KLF7: variants seen among roughly 807,000 people sequenced by gnomAD.
KLF7 encodes KLF transcription factor 7.
A neutral mutation model predicts 27.3 loss-of-function variants in KLF7; 2 were observed. The observed-to-expected ratio is 0.07, with a 90% confidence interval of 0.03 to 0.23. The LOEUF is 0.23. Ranked by LOEUF, KLF7 falls within the 10% of genes least tolerant of loss-of-function variation. The pLI is 1.00. For synonymous variants in KLF7, 165 were observed against 162.4 expected, an observed-to-expected ratio of 1.02 and a Z score of -0.12; for missense variants, 221 against 394.1, an observed-to-expected ratio of 0.56 and a Z score of 3.72.
intron 1 of KLF7, among the ~76,000 whole-genome samples, chr2:207,161,271 T>C (rs2078538256): frequency 1.3e-5 from 2 of 152,262 alleles, no homozygotes; most frequent in Admixed American, 6.5e-5. Flanking sequence ...CGGGCAGTTA[T>C]ATTTTTATTT....
Position 207,129,714 on chromosome 2 carries a change from C to T in KLF7, c.103-5310G>A, listed in dbSNP as rs536948519. Among the ~76,000 whole-genome samples, 17 of 148,328 alleles carry T rather than the reference C, an allele frequency of 1.1e-4. No individual in the cohort carries two copies. In the South Asian group the frequency reaches 1.3e-3, roughly 12 times the overall value. On this transcript the variant is annotated intron_variant, in intron 1 of 3. Coordinates refer to ENST00000309446, the MANE Select transcript of KLF7 (RefSeq NM_003709.4). ...TGCCTACTACATCTATGATAATTTT[C>T]CTACAAGGAGGACCTGACTTTTCCT...
chr2:207,091,033 T>G (rs775427683), intron 2 of KLF7, among the ~76,000 whole-genome samples: 1 of 151,942 alleles, frequency 6.6e-6, no homozygotes, highest in Non-Finnish European at 1.5e-5. Context: ...CCTAGGAAAT[T>G]CCATGAAATT....
chr2:207,161,895 G>C (rs1008086254), intron 1 of KLF7, among the ~76,000 whole-genome samples: 1 of 152,126 alleles, frequency 6.6e-6, no homozygotes, highest in African/African-American at 2.4e-5. Flanking sequence ...TCTGAGCAAA[G>C]AGAGGCCTGA....
Position 207,097,872 on chromosome 2 carries a change from G to T in KLF7, c.734-9291C>A, listed in dbSNP as rs114126232. 1.6e-3 allele frequency among the ~76,000 whole-genome samples: 237 copies of T among 152,210 alleles called. 2 individuals are homozygous for T. The highest frequency in any genetic ancestry group is 2.7e-3 in the Non-Finnish European group (184 of 68,014). On this transcript the variant is annotated intron_variant, in intron 2 of 3. Coordinates refer to ENST00000309446, the MANE Select transcript of KLF7 (RefSeq NM_003709.4). ...ATTTTTTATTTAATTAAAAATGTAT[G>T]CAGTCTTCTAGTAGTTTCTAGTGGG...
chr2:207,081,831 T>C (rs2076279130), intron 3 of KLF7, among the ~76,000 whole-genome samples: 1 of 140,146 alleles, frequency 7.1e-6, no homozygotes, highest in African/African-American at 2.7e-5. Flanking sequence ...TACAGGCTTA[T>C]CAGACACTCT....
chr2:207,162,569 G>C (rs1375299010), intron 1 of KLF7, among the ~76,000 whole-genome samples: 1 of 152,180 alleles, frequency 6.6e-6, no homozygotes, highest in Non-Finnish European at 1.5e-5. Flanking sequence ...GGAGCTATGT[G>C]GCTAAGGCAT....
At chr2:207,114,005 T>G (rs1312389195) in intron 2 of KLF7, among the ~76,000 whole-genome samples, 1 of 152,142 alleles carries the variant, frequency 6.6e-6, no homozygotes, top group Admixed American at 6.5e-5. Context: ...AGCCAGCAAA[T>G]TGCCCTCTGC....
intron 1 of KLF7, among the ~76,000 whole-genome samples, chr2:207,141,090 T>G (rs1229318030): frequency 6.6e-6 from 1 of 152,124 alleles, no homozygotes; most frequent in South Asian, 2.1e-4. Context: ...TAGAGATATA[T>G]AAAATGGACT....
At chr2:207,136,306 C>T (rs1374432055) in intron 1 of KLF7, among the ~76,000 whole-genome samples, 1 of 152,154 alleles carries the variant, frequency 6.6e-6, no homozygotes, top group Non-Finnish European at 1.5e-5. Context: ...CATGATCTGA[C>T]CTTACTCTTT....
chr2:207,137,001 C>T (rs2077807923), intron 1 of KLF7, among the ~76,000 whole-genome samples: 1 of 152,160 alleles, frequency 6.6e-6, no homozygotes, highest in African/African-American at 2.4e-5. Context: ...CTGCCCATTT[C>T]AAATAGACAC....
chr2:207,087,986 TC>T (rs1191030194), intron 3 of KLF7, among the ~76,000 whole-genome samples: 2 of 152,200 alleles, frequency 1.3e-5, no homozygotes, highest in African/African-American at 4.8e-5. Context: ...ACAATTCATT[TC>T]CAATAATGGG....
intron 2 of KLF7, among the ~76,000 whole-genome samples, chr2:207,099,642 T>G (rs2076717695): frequency 7.2e-6 from 1 of 139,056 alleles, no homozygotes; most frequent in African/African-American, 2.7e-5. Context: ...CCACCTAAGA[T>G]CTGCTTCTGG....
intron 1 of KLF7, among the ~76,000 whole-genome samples, chr2:207,125,869 A>G (rs1331964636): frequency 6.6e-6 from 1 of 152,236 alleles, no homozygotes; most frequent in Non-Finnish European, 1.5e-5. Flanking sequence ...ATGCAGGTAT[A>G]GAATAAACAA....
intron 3 of KLF7, among the ~76,000 whole-genome samples, chr2:207,082,766 G>A (rs1379854430): frequency 8.5e-5 from 13 of 152,206 alleles, no homozygotes; most frequent in African/African-American, 2.4e-5. Context: ...ATGTTAGCAA[G>A]CTACACTGTT....
intron 1 of KLF7, among the ~76,000 whole-genome samples, chr2:207,164,488 CT>C (rs1559174714): frequency 6.6e-6 from 1 of 150,382 alleles, no homozygotes; most frequent in East Asian, 2.0e-4. Flanking sequence ...AGAATGTCCC[CT>C]CAGCAGCTCC....
In KLF7 at chr2:207,124,321, G is replaced by A. The variant is rs2077422407; in HGVS notation, c.186C>T (p.Leu62=). ...CAATGCACGGGGGAGGGGAAGCGTG[G>A]AGGAAACAGTCCAAGTCCTCACCAA... ...ETFGEDLDCF[L]HASPPPCIEE... The change falls in exon 2 of 4, where the codon CTC becomes CTT. Residue 62 remains leucine (L), a synonymous_variant. Coordinates refer to ENST00000309446, the MANE Select transcript of KLF7 (RefSeq NM_003709.4). 6.2e-6 allele frequency: 10 copies of A among 1,612,652 alleles called. No homozygotes were observed. The East Asian group carries it at 1.8e-4, about 29-fold the overall frequency.
chr2:207,127,748 C>T (rs962106133), intron 1 of KLF7, among the ~76,000 whole-genome samples: 11 of 151,962 alleles, frequency 7.2e-5, no homozygotes, highest in African/African-American at 2.7e-4. Flanking sequence ...GAGGCTGAGG[C>T]AGAAGAATCA....
chr2:207,112,047 T>A (rs1427865269), intron 2 of KLF7, among the ~76,000 whole-genome samples: 1 of 151,666 alleles, frequency 6.6e-6, no homozygotes, highest in Non-Finnish European at 1.5e-5. Flanking sequence ...TCAACAAAGA[T>A]GAAATACTCA....
upstream of KLF7, among the ~76,000 whole-genome samples, chr2:207,170,354 C>T (rs559981464): frequency 6.6e-6 from 1 of 152,052 alleles, no homozygotes; most frequent in South Asian, 2.1e-4. Flanking sequence ...TAGCAGAGGT[C>T]GATTTATGAG....
Sources: gnomAD v4.1 joint callset for allele counts (sites outside exome capture counted in the v4.1 genomes callset) on GRCh38, gnomAD v4.1.1 for gene constraint, MANE v1.5 for transcripts, NCBI Gene and HGNC (gene_info 2026-07-23, HGNC 2026-07-21) for gene names.